The following CPE variants were observed in gnomAD, a reference collection of about 807,000 sequenced individuals.
The protein encoded by CPE is carbocypeptidase E.
In CPE, 17 loss-of-function variants were observed where a neutral mutation model predicts 53.5. The observed-to-expected ratio is 0.32, with a 90% CI of 0.22 to 0.48. CPE has a LOEUF of 0.48. Ranked by LOEUF, CPE falls within the 20% of genes least tolerant of loss-of-function variation. The probability of loss-of-function intolerance (pLI) is 0.99; values close to 1 mark genes in which losing one functional copy is unlikely to be tolerated. For missense variants in CPE, 524 were observed against 614.7 expected (o/e 0.85, Z 1.56); for synonymous variants, 226 against 228.8 (o/e 0.99, Z 0.11).
rs749306072 is a variant in CPE at position 165,493,180 on chromosome 4, G to A, written c.1123G>A (p.Gly375Arg). 6.2e-7 allele frequency: 1 copy of A among 1,613,214 alleles called. No homozygotes were observed. Among genetic ancestry groups the A allele is most frequent in the South Asian group, 1.1e-5 (1 of 91,014 alleles). The change falls in exon 7 of 9, where the codon GGA (glycine) becomes AGA (arginine). Residue 375 changes from glycine (G) to arginine (R), a missense_variant. Gly to Arg is a moderately radical substitution (Grantham distance 125). Transcript: ENST00000402744. ...TTTTTGACCTTCACAGATACACCGA[G>A]GAGTTAAAGGATTTGTCCGAGACCT... ...LISYLEQIHR[G>R]VKGFVRDLQG...
chr4:165,397,077 T>A (rs984494598), intron 1 of CPE, among the ~76,000 whole-genome samples: 2 of 151,382 alleles, frequency 1.3e-5, no homozygotes, highest in African/African-American at 4.9e-5. Flanking sequence ...TAATAAAAAT[T>A]AAAATAAAAA....
At chr4:165,383,461 T>A (rs535117547) in intron 1 of CPE, among the ~76,000 whole-genome samples, 2 of 152,348 alleles carry the variant, frequency 1.3e-5, no homozygotes, top group African/African-American at 4.8e-5. Context: ...GAGTTAAATA[T>A]GAGTTAAGAT....
intron 1 of CPE, among the ~76,000 whole-genome samples, chr4:165,395,090 T>C (rs1478103265): frequency 6.6e-6 from 1 of 152,194 alleles, no homozygotes; most frequent in African/African-American, 2.4e-5. Context: ...GATTAGTTGA[T>C]GAATTCTGTT....
chr4:165,398,514 CTG>C (rs1173093176), intron 1 of CPE, among the ~76,000 whole-genome samples: 1 of 152,000 alleles, frequency 6.6e-6, no homozygotes, highest in Non-Finnish European at 1.5e-5. Context: ...AAGTTAGAAA[CTG>C]AGAGTAAATA....
chr4:165,411,533 T>G (rs188345700), intron 1 of CPE, among the ~76,000 whole-genome samples: 6,691 of 149,272 alleles, frequency 0.045, 244 homozygotes, highest in Admixed American at 0.1. Flanking sequence ...AATGAATGCT[T>G]CTTCTCCTTT....
At chr4:165,400,267 C>T (rs1379396103) in intron 1 of CPE, among the ~76,000 whole-genome samples, 10 of 152,132 alleles carry the variant, frequency 6.6e-5, no homozygotes, top group African/African-American at 1.7e-4. Flanking sequence ...TTAGGAATCA[C>T]TTGCATGACT....
intron 1 of CPE, chr4:165,405,989 A>G: frequency 1.1e-5 from 8 of 745,694 alleles, no homozygotes; most frequent in South Asian, 9.5e-5. Flanking sequence ...TTCTTGTGGT[A>G]TCTGTGTTAC....
At chr4:165,487,368 A>G in intron 5 of CPE, 70 bp from the exon 6 acceptor site, 3 of 1,586,926 alleles carry the variant, frequency 1.9e-6, no homozygotes, top group African/African-American at 1.3e-5. Context: ...TTCTTGATTC[A>G]GAAGACTAGC....
At chr4:165,401,482 T>A (rs562629712) in intron 1 of CPE, among the ~76,000 whole-genome samples, 7 of 152,332 alleles carry the variant, frequency 4.6e-5, no homozygotes, top group African/African-American at 1.4e-4. Flanking sequence ...GAAGAAAGTC[T>A]TTATGTGGCT....
rs78204367 is a variant in CPE at position 165,398,907 on chromosome 4, T to C, written c.307+19379T>C. Among the ~76,000 whole-genome samples the C allele has an allele frequency of 1.9e-3, 288 of 152,290 alleles. 6 individuals are homozygous for C. In the East Asian group the frequency reaches 0.048, roughly 25 times the overall value. On this transcript the variant is annotated intron_variant, in intron 1 of 8. Transcript: ENST00000402744. Reference sequence around the variant, plus strand: ...GATATACACTGAGGTGTTAAAAATATGTTTTGCAGGCATTAGTTGGTTTAA... The same window carrying C: ...GATATACACTGAGGTGTTAAAAATACGTTTTGCAGGCATTAGTTGGTTTAA...
At chr4:165,479,282 A>G (rs969717654) in intron 3 of CPE, among the ~76,000 whole-genome samples, 2 of 152,196 alleles carry the variant, frequency 1.3e-5, no homozygotes, top group African/African-American at 2.4e-5. Flanking sequence ...TTAAATCAAA[A>G]TATAATAAGA....
chr4:165,481,355 C>T (rs980890879), intron 3 of CPE, among the ~76,000 whole-genome samples: 7 of 152,128 alleles, frequency 4.6e-5, no homozygotes, highest in African/African-American at 1.2e-4. Context: ...ATAAACAGAG[C>T]AGAGCTATAC....
At chr4:165,383,692 C>A (rs1730539827) in intron 1 of CPE, among the ~76,000 whole-genome samples, 1 of 152,266 alleles carries the variant, frequency 6.6e-6, no homozygotes, top group Admixed American at 6.5e-5. Context: ...TGTGATGGAA[C>A]ATTTAATGCT....
chr4:165,385,197 G>C (rs1285387279), intron 1 of CPE, among the ~76,000 whole-genome samples: 2 of 152,056 alleles, frequency 1.3e-5, no homozygotes, highest in Non-Finnish European at 2.9e-5. Flanking sequence ...GCTTACATCT[G>C]GTTATTAAAA....
At chr4:165,487,318 AG>A in intron 5 of CPE, 119 bp from the exon 6 acceptor site, 1 of 1,353,610 alleles carries the variant, frequency 7.4e-7, no homozygotes, top group Non-Finnish European at 1.0e-6. Context: ...GTTTTCCCAC[AG>A]GCTTCCCAAA....
chr4:165,477,586 C>T (rs895343696), intron 3 of CPE, among the ~76,000 whole-genome samples: 1 of 152,144 alleles, frequency 6.6e-6, no homozygotes, highest in Non-Finnish European at 1.5e-5. Context: ...CCCTCTTCCC[C>T]TTCTCAGCCT....
intron 1 of CPE, among the ~76,000 whole-genome samples, chr4:165,427,917 A>G (rs1283075013): frequency 1.3e-5 from 2 of 152,242 alleles, no homozygotes; most frequent in Non-Finnish European, 2.9e-5. Context: ...TCTGTAATGT[A>G]TAAATAATGT....
chr4:165,440,454 AC>A lies in CPE; in HGVS notation c.308-23927del, dbSNP rs796196236. On this transcript the variant is annotated intron_variant, in intron 1 of 8. Transcript: ENST00000402744. ...CTGCTGCTGCTGCTCTCACAACCCCACCCCCCCCCACACACACAAGCTGTGG... is the reference window on the plus strand; with the variant it reads ...CTGCTGCTGCTGCTCTCACAACCCCACCCCCCCCACACACACAAGCTGTGG... 1.0e-3 allele frequency among the ~76,000 whole-genome samples: 113 copies of A among 110,270 alleles called. 3 individuals carry two copies. The highest frequency in any genetic ancestry group is 1.7e-3 in the Non-Finnish European group (93 of 55,252). 72.3% of individuals were successfully genotyped at this position (110,270 alleles called of 152,430 possible). A position where few individuals can be genotyped will look rare whatever the true frequency, so the allele number is the denominator to read the frequency against.
Position 165,484,540 on chromosome 4 carries a change from T to G in CPE, c.909T>G (p.Asn303Lys). The G allele has an allele frequency of 6.2e-7, 1 of 1,614,154 alleles. No individual in the cohort carries two copies. The highest frequency in any genetic ancestry group is 8.5e-7 in the Non-Finnish European group (1 of 1,179,998). Residue 303 changes from asparagine to lysine, a missense_variant, in exon 5 of 9, where the codon AAT (asparagine) becomes AAG (lysine). Asn to Lys is a moderately conservative substitution (Grantham distance 94, BLOSUM62 0). Coordinates refer to ENST00000402744, the MANE Select transcript of CPE (RefSeq NM_001873.4). Reference sequence around the variant, plus strand: ...CCAATCGGCCACCATGTCGCAAGAATGATGATGACAGCAGCTTTGTAGATG... The same window carrying G: ...CCAATCGGCCACCATGTCGCAAGAAGGATGATGACAGCAGCTTTGTAGATG... ...SDPNRPPCRK[N>K]DDDSSFVDGT...
Sources: gnomAD v4.1 joint callset for allele counts (sites outside exome capture counted in the v4.1 genomes callset) on GRCh38, gnomAD v4.1.1 for gene constraint, MANE v1.5 for transcripts, NCBI Gene and HGNC (gene_info 2026-07-23, HGNC 2026-07-21) for gene names.